Variants in RANBP17 observed in about 807,000 individuals in gnomAD.
RANBP17 encodes ran-binding protein 17.
RANBP17 carries 158 observed loss-of-function variants against 141.2 expected under a neutral mutation model. That is an observed-to-expected ratio of 1.12 (90% CI 0.98 to 1.28). The LOEUF is 1.28. RANBP17 is among the 50% of genes most tolerant of loss of function. RANBP17 has a pLI of 0.00. For missense variants in RANBP17, 1,438 were observed against 1,290.7 expected, an observed-to-expected ratio of 1.11 and a Z score of -1.75; for synonymous variants, 430 against 450.0, an observed-to-expected ratio of 0.96 and a Z score of 0.56.
intron 16 of RANBP17, among the ~76,000 whole-genome samples, chr5:171,178,002 A>G (rs972139183): frequency 1.4e-5 from 2 of 147,962 alleles, no homozygotes; most frequent in African/African-American, 5.0e-5. Context: ...TGTTATACCT[A>G]TTTGGATTTT....
intron 14 of RANBP17, among the ~76,000 whole-genome samples, chr5:171,163,286 T>C (rs991030286): frequency 6.6e-6 from 1 of 152,236 alleles, no homozygotes; most frequent in Non-Finnish European, 1.5e-5. Context: ...GTGTATTTAA[T>C]ATACAGCAAT....
intron 14 of RANBP17, among the ~76,000 whole-genome samples, chr5:171,148,198 C>T (rs968787381): frequency 3.9e-5 from 6 of 152,030 alleles, no homozygotes; most frequent in African/African-American, 1.2e-4. Context: ...GCAGCATGCT[C>T]GTTAAGAGTC....
At chr5:170,883,060 T>C (rs1768848453) in intron 3 of RANBP17, among the ~76,000 whole-genome samples, 1 of 152,238 alleles carries the variant, frequency 6.6e-6, no homozygotes, top group Non-Finnish European at 1.5e-5. Context: ...AATGATACCT[T>C]GTTTTCCTCT....
chr5:171,125,044 C>T (rs1756329254), intron 14 of RANBP17, among the ~76,000 whole-genome samples: 1 of 152,130 alleles, frequency 6.6e-6, no homozygotes, highest in Non-Finnish European at 1.5e-5. Flanking sequence ...CCTGTAATCC[C>T]AACACTTTGG....
chr5:171,298,360 C>G (rs984206569), intron 27 of RANBP17, among the ~76,000 whole-genome samples: 1 of 152,230 alleles, frequency 6.6e-6, no homozygotes, highest in Admixed American at 6.5e-5. Context: ...ATACCTACCT[C>G]AGGGAAGACT....
rs746872833 is a variant in RANBP17, at chr5:170,919,531, C to A, written c.1192C>A (p.Pro398Thr). 1.9e-6 allele frequency: 3 copies of A among 1,611,892 alleles called. No homozygotes were observed. Among genetic ancestry groups the A allele is most frequent in the Admixed American group, 1.7e-5 (1 of 59,576 alleles). ...TGTTCCTTTTGTGAAATCAACTGAA[C>A]CCCACCTATTAGACACTTATGCACC... ...ASVPFVKSTE[P>T]HLLDTYAPEI... The change falls in exon 11 of 28, where the codon CCC becomes ACC. Residue 398 changes from proline to threonine, a missense_variant. Pro to Thr is a conservative substitution (Grantham distance 38). Coordinates refer to ENST00000523189, the MANE Select transcript of RANBP17 (RefSeq NM_022897.5).
At chr5:170,901,097 T>C (rs1424825749) in intron 5 of RANBP17, among the ~76,000 whole-genome samples, 3 of 152,216 alleles carry the variant, frequency 2.0e-5, no homozygotes, top group African/African-American at 4.8e-5. Context: ...CTCTCTGATA[T>C]TGACAGTGGG....
At chr5:171,047,853 G>C (rs1337534157) in intron 14 of RANBP17, among the ~76,000 whole-genome samples, 1 of 152,048 alleles carries the variant, frequency 6.6e-6, no homozygotes, top group South Asian at 2.1e-4. Flanking sequence ...TCATTCTGAA[G>C]TATCCATTAA....
In RANBP17 at chr5:171,241,076, C is replaced by A. The variant is rs368406301; in HGVS notation, c.2571C>A (p.Asn857Lys). 1 of 1,613,834 alleles carries A rather than the reference C, an allele frequency of 6.2e-7. No individual in the cohort carries two copies. Among genetic ancestry groups the A allele is most frequent in the Admixed American group, 1.7e-5 (1 of 59,986 alleles). ...SFGVFKLYGD[N>K]HFDNVLQAFV... is the part of the protein sequence containing the mutation. The stretch of plus-strand genomic sequence containing the variant: ...GCGTCTTCAAGTTGTATGGGGACAA[C>A]CATTTTGACAATGTACTCCAGGCTT... Residue 857 changes from asparagine (N) to lysine (K), a missense_variant, in exon 23 of 28, where the codon AAC becomes AAA. By Grantham distance (94) the Asn-to-Lys change is moderately conservative. Transcript: ENST00000523189.
At chr5:171,113,285 C>T (rs1755378883) in intron 14 of RANBP17, among the ~76,000 whole-genome samples, 1 of 152,044 alleles carries the variant, frequency 6.6e-6, no homozygotes, top group South Asian at 2.1e-4. Context: ...CAATTATTAC[C>T]CGTGCTACTA....
intron 3 of RANBP17, among the ~76,000 whole-genome samples, chr5:170,889,923 A>G (rs868393146): frequency 1.3e-5 from 2 of 152,306 alleles, no homozygotes; most frequent in Middle Eastern, 3.4e-3. Flanking sequence ...AGTTTGTGTA[A>G]AAAGCATAAC....
chr5:171,214,882 C>G (rs1012081868), intron 21 of RANBP17, among the ~76,000 whole-genome samples: 5 of 151,742 alleles, frequency 3.3e-5, no homozygotes, highest in African/African-American at 1.2e-4. Context: ...CAGCCACAGG[C>G]AGATGATTTT....
At chr5:170,925,758 A>G (rs1445410384) in intron 12 of RANBP17, among the ~76,000 whole-genome samples, 2 of 150,182 alleles carry the variant, frequency 1.3e-5, no homozygotes, top group South Asian at 2.2e-4. Flanking sequence ...AATACATGAT[A>G]TTGCATATTT....
At chr5:171,250,807 G>A (rs560352980) in intron 24 of RANBP17, among the ~76,000 whole-genome samples, 8 of 152,264 alleles carry the variant, frequency 5.3e-5, no homozygotes, top group African/African-American at 1.2e-4. Context: ...TTCTAAATAT[G>A]TATGTACCCA....
chr5:171,158,363 C>T (rs559466573), intron 14 of RANBP17: 1 of 188,034 alleles, frequency 5.3e-6, no homozygotes, highest in Non-Finnish European at 1.1e-5. Context: ...CGCCAGTATC[C>T]CTTGCTTTAC....
At chr5:170,907,133 G>A (rs1052376764) in intron 5 of RANBP17, among the ~76,000 whole-genome samples, 2 of 151,900 alleles carry the variant, frequency 1.3e-5, no homozygotes, top group African/African-American at 4.8e-5. Context: ...TTAAGAAAAA[G>A]AACTACACTT....
chr5:171,247,346 G>A (rs969104090), intron 24 of RANBP17, among the ~76,000 whole-genome samples: 3 of 152,174 alleles, frequency 2.0e-5, no homozygotes, highest in Admixed American at 1.3e-4. Flanking sequence ...TTTGGGCCCT[G>A]TGTCATCAAG....
At chr5:171,147,401 G>GGT (rs1758128962) in intron 14 of RANBP17, among the ~76,000 whole-genome samples, 1 of 103,952 alleles carries the variant, frequency 9.6e-6, no homozygotes, top group Non-Finnish European at 1.9e-5. Context: ...TTTTTTGTGT[G>GGT]TTTTTTTTTT....
chr5:170,865,369 G>A (rs1473746406), intron 1 of RANBP17, among the ~76,000 whole-genome samples: 2 of 152,078 alleles, frequency 1.3e-5, no homozygotes, highest in African/African-American at 4.8e-5. Flanking sequence ...GGCCCTGTTT[G>A]CAGTTTTAAC....
Sources: gnomAD v4.1 joint callset for allele counts (sites outside exome capture counted in the v4.1 genomes callset) on GRCh38, gnomAD v4.1.1 for gene constraint, MANE v1.5 for transcripts, NCBI Gene and HGNC (gene_info 2026-07-23, HGNC 2026-07-21) for gene names.